The following LARGE1 variants were observed in gnomAD, a reference collection of about 807,000 sequenced individuals.
The protein encoded by LARGE1 is xylosyl- and glucuronyltransferase LARGE1.
A neutral mutation model predicts 87.6 loss-of-function variants in LARGE1; 43 were observed. The ratio of observed to expected loss-of-function variants is 0.49; its 90% confidence interval spans 0.38 to 0.63. The LOEUF is 0.63. LARGE1 is among the 30% of genes least tolerant of loss of function. The pLI is 0.00. For synonymous variants in LARGE1, 434 were observed against 394.6 expected, an observed-to-expected ratio of 1.10 and a Z score of -1.18; for missense variants, 802 against 1,000.2, an observed-to-expected ratio of 0.80 and a Z score of 2.67.
chr22:33,261,345 G>A (rs1927614350), intron 11 of LARGE1, among the ~76,000 whole-genome samples: 1 of 152,126 alleles, frequency 6.6e-6, no homozygotes, highest in South Asian at 2.1e-4. Flanking sequence ...AGAGAGCAAT[G>A]AGAATGGAGG....
chr22:33,093,581 A>G, the LARGE1 span, among the ~76,000 whole-genome samples: 1 of 152,194 alleles, frequency 6.6e-6, no homozygotes, highest in Non-Finnish European at 1.5e-5. Flanking sequence ...GATGGAGACA[A>G]TATCTTGTAA....
chr22:33,588,813 C>T (rs1327519864), intron 5 of LARGE1, among the ~76,000 whole-genome samples: 1 of 152,070 alleles, frequency 6.6e-6, no homozygotes, highest in East Asian at 1.9e-4. Flanking sequence ...AGAAACAAAC[C>T]CCCACACACA....
intron 1 of LARGE1, among the ~76,000 whole-genome samples, chr22:33,787,219 A>T (rs2085676362): frequency 6.6e-6 from 1 of 152,116 alleles, no homozygotes; most frequent in South Asian, 2.1e-4. Context: ...TTTGCTGGTT[A>T]ACCTAAACCT....
At chr22:33,412,177 G>C (rs999160165) in intron 7 of LARGE1, among the ~76,000 whole-genome samples, 1 of 152,100 alleles carries the variant, frequency 6.6e-6, no homozygotes, top group Non-Finnish European at 1.5e-5. Flanking sequence ...CCAGCTACTC[G>C]AGAGGCTGAG....
intron 7 of LARGE1, among the ~76,000 whole-genome samples, chr22:33,408,421 T>G (rs1439814184): frequency 6.6e-6 from 1 of 152,200 alleles, no homozygotes; most frequent in East Asian, 1.9e-4. Flanking sequence ...ACACATGTTT[T>G]TGTGTAAGGT....
intron 1 of LARGE1, among the ~76,000 whole-genome samples, chr22:33,856,352 T>C (rs2063755181): frequency 6.6e-6 from 1 of 152,002 alleles, no homozygotes; most frequent in Non-Finnish European, 1.5e-5. Context: ...GTCTAAGCAG[T>C]CACTTCCCCC....
At chr22:33,267,652 CAG>C (rs1470924712), downstream of LARGE1, among the ~76,000 whole-genome samples, 1 of 151,254 alleles carries the variant, frequency 6.6e-6, no homozygotes, top group Admixed American at 6.6e-5. Context: ...AGGCATTTCT[CAG>C]AGACTTCTAA....
At position 33,748,563 on chromosome 22, in the gene LARGE1, A is replaced by G. The variant is rs1422264980; in HGVS notation, c.106+12808T>C. On this transcript the variant is annotated intron_variant, in intron 2 of 14. Transcript: ENST00000397394. ...TCATCTTGCAAAAACCCTCAACAGCACCCCCAATTTACGCAGAGTCAATTT... is the reference window on the plus strand; with the variant it reads ...TCATCTTGCAAAAACCCTCAACAGCGCCCCCAATTTACGCAGAGTCAATTT... Among the ~76,000 whole-genome samples, 4 of 152,096 alleles carry G rather than the reference A, an allele frequency of 2.6e-5. No individual in the cohort carries two copies. The East Asian group carries it at 7.7e-4, about 29-fold the overall frequency.
intron 9 of LARGE1, among the ~76,000 whole-genome samples, chr22:33,346,293 T>A (rs921591865): frequency 6.7e-6 from 1 of 150,120 alleles, no homozygotes; most frequent in Non-Finnish European, 1.5e-5. Context: ...CTCCTCCTCC[T>A]CCTTCTTCTT....
chr22:33,675,557 G>A (rs1275512430), intron 2 of LARGE1, among the ~76,000 whole-genome samples: 3 of 152,114 alleles, frequency 2.0e-5, no homozygotes, highest in Non-Finnish European at 4.4e-5. Flanking sequence ...ACAAAACGAA[G>A]GCCAGTGTGG....
At chr22:33,724,569 G>A (rs553773902) in intron 2 of LARGE1, among the ~76,000 whole-genome samples, 32 of 152,162 alleles carry the variant, frequency 2.1e-4, no homozygotes, top group Admixed American at 2.6e-4. Context: ...TTGATATAAT[G>A]TAGACCAAAC....
rs145062223 is a variant in LARGE1 at position 33,374,948 on chromosome 22, A to G, written c.1131+6971T>C. On this transcript the variant is annotated intron_variant, in intron 9 of 14. Transcript: ENST00000397394. ...TTGTTTTGAATTCTTCTTTAAAGGC[A>G]TTTGCAAGCAAATTTATGGAAGCGA... Among the ~76,000 whole-genome samples, 606 of 149,722 alleles carry G rather than the reference A, an allele frequency of 4.0e-3. 3 individuals carry two copies. The highest frequency in any genetic ancestry group is 0.014 in the African/African-American group (571 of 41,124).
At chr22:33,830,182 G>A (rs1414221242) in intron 1 of LARGE1, among the ~76,000 whole-genome samples, 1 of 151,928 alleles carries the variant, frequency 6.6e-6, no homozygotes, top group African/African-American at 2.4e-5. Flanking sequence ...GAGACCCATG[G>A]CCACTCTGTC....
chr22:33,659,744 TAAAAAAA>T (rs71187276), intron 2 of LARGE1, among the ~76,000 whole-genome samples: 7 of 122,080 alleles, frequency 5.7e-5, no homozygotes, highest in Non-Finnish European at 1.2e-4. Context: ...GAAGAACAGT[TAAAAAAA>T]AAAAAAAAAA....
chr22:33,820,836 G>A (rs2146254550), intron 1 of LARGE1, among the ~76,000 whole-genome samples: 1 of 152,186 alleles, frequency 6.6e-6, no homozygotes, highest in East Asian at 1.9e-4. Flanking sequence ...CCCTGCTGCT[G>A]CTCAGGAGAC....
chr22:33,759,372 C>G (rs982612096), intron 2 of LARGE1, among the ~76,000 whole-genome samples: 1 of 152,190 alleles, frequency 6.6e-6, no homozygotes, highest in Non-Finnish European at 1.5e-5. Context: ...CATGGTATTA[C>G]AGTTAACAAC....
At chr22:33,706,960 G>A (rs2082580858) in intron 2 of LARGE1, among the ~76,000 whole-genome samples, 1 of 152,224 alleles carries the variant, frequency 6.6e-6, no homozygotes, top group Non-Finnish European at 1.5e-5. Flanking sequence ...AAGCCACTAA[G>A]TGTATGGTGA....
At chr22:33,514,335 T>C (rs1471988922) in intron 6 of LARGE1, among the ~76,000 whole-genome samples, 1 of 152,178 alleles carries the variant, frequency 6.6e-6, no homozygotes, top group Non-Finnish European at 1.5e-5. Flanking sequence ...TGCATATGTG[T>C]GTATATATAT....
Position 33,457,293 on chromosome 22 carries a change from C to CTTTTTTTTTTTTTTT in LARGE1, c.788-25043_788-25029dup, listed in dbSNP as rs759460321. Among the ~76,000 whole-genome samples the CTTTTTTTTTTTTTTT allele has an allele frequency of 4.5e-4, 34 of 74,928 alleles. 2 individuals are homozygous for CTTTTTTTTTTTTTTT. Among genetic ancestry groups the CTTTTTTTTTTTTTTT allele is most frequent in the African/African-American group, 6.6e-4 (12 of 18,142 alleles). The allele number at this position is 74,928 out of a possible 152,430, so 49.2% of individuals were successfully genotyped here. A position where few individuals can be genotyped will look rare whatever the true frequency, so the allele number is the denominator to read the frequency against. The stretch of plus-strand genomic sequence containing the variant: ...CAGGTGCCTGCCACCACGCCTGGCT[C>CTTTTTTTTTTTTTTT]TTTTTTTTTTTTTTTTTTTTTTTTT... On this transcript the variant is annotated intron_variant, in intron 6 of 14. Coordinates refer to ENST00000397394, the MANE Select transcript of LARGE1 (RefSeq NM_133642.5).
Sources: gnomAD v4.1 joint callset for allele counts (sites outside exome capture counted in the v4.1 genomes callset) on GRCh38, gnomAD v4.1.1 for gene constraint, MANE v1.5 for transcripts, NCBI Gene and HGNC (gene_info 2026-07-23, HGNC 2026-07-21) for gene names.